The following PDE7A variants were observed in gnomAD, a reference collection of about 807,000 sequenced individuals.
PDE7A encodes high affinity 3',5'-cyclic-AMP phosphodiesterase 7A.
PDE7A carries 39 observed loss-of-function variants against 64.3 expected under a neutral mutation model. The observed-to-expected ratio is 0.61, with a 90% CI of 0.47 to 0.79. PDE7A has a LOEUF of 0.79. PDE7A is among the 30% of genes least tolerant of loss of function. The pLI, the probability that PDE7A is intolerant of heterozygous loss-of-function variation, is 0.00. For missense variants in PDE7A, 470 were observed against 582.8 expected (o/e 0.81, Z 1.99); for synonymous variants, 203 against 206.8 (o/e 0.98, Z 0.16).
intron 3 of PDE7A, among the ~76,000 whole-genome samples, chr8:65,748,482 G>T (rs1373663041): frequency 3.9e-5 from 6 of 152,258 alleles, no homozygotes; most frequent in African/African-American, 1.2e-4. Context: ...TCTAGTGTTA[G>T]AATAAACCAG....
chr8:65,816,004 A>C (rs1244845608), intron 1 of PDE7A, among the ~76,000 whole-genome samples: 1 of 152,210 alleles, frequency 6.6e-6, no homozygotes, highest in East Asian at 1.9e-4. Context: ...ATGAGATTTG[A>C]GAATGTAAAG....
chr8:65,832,582 T>C (rs901335131), intron 1 of PDE7A, among the ~76,000 whole-genome samples: 3 of 152,184 alleles, frequency 2.0e-5, no homozygotes, highest in Admixed American at 2.0e-4. Flanking sequence ...CCTCCTGGGC[T>C]CAAGAGATCC....
intron 3 of PDE7A, among the ~76,000 whole-genome samples, chr8:65,776,818 T>G (rs1269202769): frequency 4.6e-5 from 7 of 152,226 alleles, no homozygotes; most frequent in Non-Finnish European, 7.3e-5. Flanking sequence ...ATGATACTTT[T>G]TCTTTTCTAG....
chr8:65,798,847 G>C (rs989943455), intron 1 of PDE7A, among the ~76,000 whole-genome samples: 3 of 152,112 alleles, frequency 2.0e-5, no homozygotes, highest in African/African-American at 7.2e-5. Context: ...AACAACATAA[G>C]CATTCATCAA....
intron 1 of PDE7A, among the ~76,000 whole-genome samples, chr8:65,799,100 A>G (rs1233558853): frequency 6.6e-6 from 1 of 152,144 alleles, no homozygotes; most frequent in Non-Finnish European, 1.5e-5. Context: ...GCTGGGGGGA[A>G]CCTATGGCAA....
Position 65,745,479 on chromosome 8 carries a change from A to G in PDE7A, c.436-9T>C. The stretch of plus-strand genomic sequence containing the variant: ...ACTTTTTCCAGCATACACTGAAATG[A>G]AAACCAAACATTTCTACTGTAATTT... On this transcript the variant is annotated splice_polypyrimidine_tract_variant and intron_variant, in intron 4 of 12. Transcript: ENST00000401827. 6.8e-7 allele frequency: 1 copy of G among 1,464,026 alleles called. No individual in the cohort carries two copies. The highest frequency in any genetic ancestry group is 9.6e-7 in the Non-Finnish European group (1 of 1,043,342). The allele number at this position is 1,464,026 out of a possible 1,614,324, so 90.7% of individuals were successfully genotyped here.
Position 65,719,452 on chromosome 8 carries a change from G to C in PDE7A, c.1287C>G (p.Ala429=). 6.2e-7 allele frequency: 1 copy of C among 1,614,016 alleles called. No homozygotes were observed. The highest frequency in any genetic ancestry group is 8.5e-7 in the Non-Finnish European group (1 of 1,179,938). ...GGGATAGCCTTGTATTGGAAAACCT[G>C]GCCCATTCTGTAAATAAAGGCTCCA... ...YLVEPLFTEW[A]RFSNTRLSQT... is the part of the protein sequence containing the mutation. The change falls in exon 13 of 13, where the codon GCC becomes GCG. Residue 429 remains alanine (A), a synonymous_variant. Coordinates refer to ENST00000401827, the MANE Select transcript of PDE7A (RefSeq NM_001242318.3).
intron 3 of PDE7A, among the ~76,000 whole-genome samples, chr8:65,777,236 C>T (rs550246766): frequency 4.6e-5 from 7 of 152,036 alleles, no homozygotes; most frequent in East Asian, 1.9e-4. Context: ...TGCACCACCA[C>T]GCCTGGCTAA....
chr8:65,790,058 A>C (rs1211256320), intron 1 of PDE7A, among the ~76,000 whole-genome samples: 1 of 152,256 alleles, frequency 6.6e-6, no homozygotes, highest in Non-Finnish European at 1.5e-5. Flanking sequence ...ACCCTGAGAT[A>C]AAGTGTGATG....
intron 1 of PDE7A, among the ~76,000 whole-genome samples, chr8:65,819,766 T>A: frequency 6.6e-6 from 1 of 152,362 alleles, no homozygotes; most frequent in African/African-American, 2.4e-5. Context: ...AAACATCTAT[T>A]CTCATGTTCT....
intron 3 of PDE7A, among the ~76,000 whole-genome samples, chr8:65,760,730 G>A (rs1337451967): frequency 3.3e-5 from 5 of 152,148 alleles, no homozygotes; most frequent in African/African-American, 9.7e-5. Flanking sequence ...TTTTCCTGGA[G>A]TAATGACATG....
intron 1 of PDE7A, among the ~76,000 whole-genome samples, chr8:65,804,540 C>CTTTT (rs762379703): frequency 1.8e-5 from 2 of 113,040 alleles, no homozygotes; most frequent in African/African-American, 6.2e-5. Flanking sequence ...CATTTTGTTG[C>CTTTT]TTTTTTTTTT....
chr8:65,767,465 T>G (rs533116303), intron 3 of PDE7A, among the ~76,000 whole-genome samples: 1 of 152,342 alleles, frequency 6.6e-6, no homozygotes, highest in Non-Finnish European at 1.5e-5. Context: ...CTTGTTACAG[T>G]CTTTTATTAA....
intron 6 of PDE7A, among the ~76,000 whole-genome samples, chr8:65,735,118 G>A (rs1452384975): frequency 3.3e-5 from 5 of 152,176 alleles, no homozygotes; most frequent in East Asian, 3.9e-4. Flanking sequence ...ACTAGGCTTC[G>A]GGGTGGAGCT....
intron 3 of PDE7A, among the ~76,000 whole-genome samples, chr8:65,770,791 C>G (rs1237884300): frequency 6.6e-6 from 1 of 152,216 alleles, no homozygotes. Context: ...AAGCCTGTAA[C>G]AATTTGAACT....
intron 3 of PDE7A, among the ~76,000 whole-genome samples, chr8:65,767,185 GA>G (rs934197258): frequency 2.0e-5 from 3 of 152,156 alleles, no homozygotes; most frequent in Non-Finnish European, 4.4e-5. Flanking sequence ...AGCTTTGGGG[GA>G]CAGACACAGG....
chr8:65,831,960 T>C (rs1478678477), intron 1 of PDE7A, among the ~76,000 whole-genome samples: 1 of 152,218 alleles, frequency 6.6e-6, no homozygotes, highest in Admixed American at 6.5e-5. Context: ...CACCCAGCAA[T>C]AGCTTCAGTT....
intron 9 of PDE7A, among the ~76,000 whole-genome samples, chr8:65,725,864 T>C (rs1806586214): frequency 6.6e-6 from 1 of 152,178 alleles, no homozygotes; most frequent in South Asian, 2.1e-4. Flanking sequence ...TGTCTTAATT[T>C]TAAGAACCCA....
At chr8:65,795,109 A>G (rs1226501938) in intron 1 of PDE7A, among the ~76,000 whole-genome samples, 1 of 152,236 alleles carries the variant, frequency 6.6e-6, no homozygotes, top group Non-Finnish European at 1.5e-5. Flanking sequence ...GTACTGGACT[A>G]GCTCTCCCAT....
Sources: allele counts gnomAD v4.1 joint callset (sites outside exome capture counted in the v4.1 genomes callset), GRCh38; gene constraint gnomAD v4.1.1; transcripts MANE v1.5; gene names NCBI Gene and HGNC (gene_info 2026-07-23, HGNC 2026-07-21).